SELENOO: variants seen among roughly 807,000 people sequenced by gnomAD.
SELENOO encodes the protein selenoprotein O.
Under a neutral mutation model 58.7 loss-of-function variants are expected in SELENOO, and 74 were observed. That is an observed-to-expected ratio of 1.26 (90% confidence interval 1.04 to 1.53). The LOEUF is 1.53. SELENOO is among the 40% of genes most tolerant of loss of function. The pLI is 0.00. For missense variants in SELENOO, 1,149 were observed against 970.0 expected, an observed-to-expected ratio of 1.18 and a Z score of -2.45; for synonymous variants, 543 against 453.2, an observed-to-expected ratio of 1.20 and a Z score of -2.52.
intron 5 of SELENOO, among the ~76,000 whole-genome samples, chr22:50,214,197 A>G (rs2064390590): frequency 6.6e-6 from 1 of 152,190 alleles, no homozygotes; most frequent in African/African-American, 2.4e-5. Context: ...GCTGGAGTGC[A>G]GTGGCACAGC....
chr22:50,215,695 C>G (rs779462894), intron 5 of SELENOO, 22 bp from the exon 6 acceptor site: 4 of 1,572,164 alleles, frequency 2.5e-6, no homozygotes, highest in African/African-American at 1.3e-5. Flanking sequence ...GCTTCCAGCT[C>G]CCTGAGCAGC....
chr22:50,201,941 G>T (rs2064304536), intron 1 of SELENOO, among the ~76,000 whole-genome samples: 1 of 152,218 alleles, frequency 6.6e-6, no homozygotes, highest in East Asian at 1.9e-4. Flanking sequence ...CAGCAGCCTC[G>T]CTCTGCGACT....
rs1555904268 is a variant in SELENOO at position 50,206,538 on chromosome 22, T to C, written c.758+18T>C. Reference sequence around the variant, plus strand: ...TTCATAAGGTAATGCCGGGGGCCTTTCGGCCTGTCTACACGCACTTGCTTA... The same window carrying C: ...TTCATAAGGTAATGCCGGGGGCCTTCCGGCCTGTCTACACGCACTTGCTTA... On this transcript the variant is annotated intron_variant, in intron 2 of 8. Transcript: ENST00000380903. 3 of 1,602,364 alleles carry C rather than the reference T, an allele frequency of 1.9e-6. No homozygotes were observed. The highest frequency in any genetic ancestry group is 2.6e-6 in the Non-Finnish European group (3 of 1,173,210).
intron 5 of SELENOO, 86 bp from the exon 6 acceptor site, chr22:50,215,631 G>T: frequency 8.2e-7 from 1 of 1,215,452 alleles, no homozygotes; most frequent in East Asian, 2.7e-5. Context: ...CTGTGCCAGG[G>T]GGGTGGGGGG....
At chr22:50,206,733 T>C (rs1443012710) in intron 2 of SELENOO, among the ~76,000 whole-genome samples, 1 of 152,170 alleles carries the variant, frequency 6.6e-6, no homozygotes, top group Non-Finnish European at 1.5e-5. Flanking sequence ...GCAAAGGCAT[T>C]TGGTACTCAG....
Position 50,201,110 on chromosome 22 carries a change from C to T in SELENOO, c.74C>T (p.Pro25Leu), listed in dbSNP as rs1261535799. The change falls in exon 1 of 9, where the codon CCG becomes CTG. Residue 25 changes from proline to leucine, a missense_variant. Pro to Leu is a moderately conservative substitution (Grantham distance 98). Transcript: ENST00000380903. The stretch of plus-strand genomic sequence containing the variant: ...CTCTTGCCCCTCGGTCGCTGTTCCC[C>T]GTCGCCGGCGCCCCGCTCTACGTTG... Reference protein sequence around the residue: ...ARLLPLGRCSPSPAPRSTLSG... With the variant: ...ARLLPLGRCSLSPAPRSTLSG... The T allele has an allele frequency of 1.5e-6, 2 of 1,344,368 alleles. No individual in the cohort carries two copies. Among genetic ancestry groups the T allele is most frequent in the Non-Finnish European group, 1.9e-6 (2 of 1,049,118 alleles). The allele number at this position is 1,344,368 out of a possible 1,614,324, so 83.3% of individuals were successfully genotyped here. A position where few individuals can be genotyped will look rare whatever the true frequency, so the allele number is the denominator to read the frequency against.
In SELENOO at chr22:50,213,749, G is replaced by A. The variant is rs1293974029; in HGVS notation, c.1352-1968G>A. 5.3e-5 allele frequency among the ~76,000 whole-genome samples: 8 copies of A among 152,092 alleles called. No homozygotes were observed. The East Asian group carries it at 1.4e-3, about 26-fold the overall frequency. On this transcript the variant is annotated intron_variant, in intron 5 of 8. Coordinates refer to ENST00000380903, the MANE Select transcript of SELENOO (RefSeq NM_031454.2). ...TGCAAGCTCCACCTCCCAGGTTCACGGCATTTTCCTGCCTCAGCCTCCCGA... is the reference window on the plus strand; with the variant it reads ...TGCAAGCTCCACCTCCCAGGTTCACAGCATTTTCCTGCCTCAGCCTCCCGA...
In SELENOO at chr22:50,217,507, G is replaced by A; in HGVS notation, c.*138G>A. 2 of 1,165,574 alleles carry A rather than the reference G, an allele frequency of 1.7e-6. No homozygotes were observed. The highest frequency in any genetic ancestry group is 1.4e-5 in the South Asian group (1 of 69,058). 72.2% of individuals were successfully genotyped at this position (1,165,574 alleles called of 1,614,324 possible). A position where few individuals can be genotyped will look rare whatever the true frequency, so the allele number is the denominator to read the frequency against. ...GCACACCCGTCTTTCCATGATGGCA[G>A]AGACATCCAGTCAGGACCTGACCCG... On this transcript the variant is annotated 3_prime_UTR_variant, in exon 9 of 9. Coordinates refer to ENST00000380903, the MANE Select transcript of SELENOO (RefSeq NM_031454.2).
chr22:50,217,177 GACCCCTCTC>G lies in SELENOO; in HGVS notation c.1846-23_1846-15del. The G allele has an allele frequency of 6.2e-7, 1 of 1,611,428 alleles. No homozygotes were observed. Among genetic ancestry groups the G allele is most frequent in the Non-Finnish European group, 8.5e-7 (1 of 1,178,676 alleles). On this transcript the variant is annotated intron_variant, in intron 8 of 8. Transcript: ENST00000380903. ...GTCCCTGGGAGGGGGGTCGGCCCCA[GACCCCTCTC>G]ACCCTCCTGATCCTCCAGGTGCGGC...
Position 50,210,605 on chromosome 22 carries a change from C to T in SELENOO, c.1071-26C>T, listed in dbSNP as rs200527439. 885 of 1,612,628 alleles carry T rather than the reference C, an allele frequency of 5.5e-4. 2 individuals are homozygous for T. The highest frequency in any genetic ancestry group is 2.3e-3 in the Middle Eastern group (14 of 6,050). ...CCCGGGAACTTCCTCTCAGGCAGGG[C>T]GTGGCTCTCTTGCCCCGTGTGGCAG... On this transcript the variant is annotated intron_variant, in intron 4 of 8. Coordinates refer to ENST00000380903, the MANE Select transcript of SELENOO (RefSeq NM_031454.2).
chr22:50,207,255 C>A (rs1390807833), intron 2 of SELENOO, among the ~76,000 whole-genome samples: 1 of 152,100 alleles, frequency 6.6e-6, no homozygotes, highest in Non-Finnish European at 1.5e-5. Flanking sequence ...CCCCAAATAG[C>A]TGGGGTTACA....
At position 50,208,615 on chromosome 22, in the gene SELENOO, C is replaced by A. The variant is rs776240322; in HGVS notation, c.838C>A (p.Arg280=). 6.2e-7 allele frequency: 1 copy of A among 1,613,926 alleles called. No homozygotes were observed. The highest frequency in any genetic ancestry group is 8.5e-7 in the Non-Finnish European group (1 of 1,179,998). The stretch of plus-strand genomic sequence containing the variant: ...CCCCAGCGTGGGGAGGAACGACATT[C>A]GAGTGCAGCTGCTCGACTATGTCAT... The part of the protein sequence containing the change: ...AGPSVGRNDI[R]VQLLDYVISS... The change falls in exon 3 of 9, where the codon CGA becomes AGA. Residue 280 remains arginine, a synonymous_variant. Transcript: ENST00000380903.
Position 50,201,444 on chromosome 22 carries a change from C to A in SELENOO, c.408C>A (p.Ala136=). 7.2e-7 allele frequency: 1 copy of A among 1,393,822 alleles called. No individual in the cohort carries two copies. The highest frequency in any genetic ancestry group is 1.4e-5 in the South Asian group (1 of 68,976). The allele number at this position is 1,393,822 out of a possible 1,614,324, so 86.3% of individuals were successfully genotyped here. Residue 136 remains alanine, a synonymous_variant, in exon 1 of 9, where the codon GCC becomes GCA. Coordinates refer to ENST00000380903, the MANE Select transcript of SELENOO (RefSeq NM_031454.2). ...CGCTCCTGCCGGGCGCCGAGCCCGC[C>A]GCGCACTGCTACTGCGGCCACCAAT... ...GNALLPGAEP[A]AHCYCGHQFG...
At chr22:50,206,168 C>T (rs967305871) in intron 1 of SELENOO, 149 bp from the exon 2 acceptor site, 40 of 650,324 alleles carry the variant, frequency 6.2e-5, no homozygotes, top group Non-Finnish European at 9.2e-5. Flanking sequence ...GCTCACAAGG[C>T]ACCTGATGTC....
rs1320013808 is a variant in SELENOO, at chr22:50,201,074, C to T, written c.38C>T (p.Ala13Val). 1.6e-5 allele frequency: 22 copies of T among 1,362,974 alleles called. No homozygotes were observed. Among genetic ancestry groups the T allele is most frequent in the East Asian group, 3.1e-5 (1 of 32,278 alleles). 84.4% of individuals were successfully genotyped at this position (1,362,974 alleles called of 1,614,324 possible). A position where few individuals can be genotyped will look rare whatever the true frequency, so the allele number is the denominator to read the frequency against. Residue 13 changes from alanine (A) to valine (V), a missense_variant, in exon 1 of 9, where the codon GCG becomes GTG. Ala to Val is a moderately conservative substitution (Grantham distance 64). Transcript: ENST00000380903. ...VYRAALGASL[A>V]AARLLPLGRC... ...AGGGCAGCGCTCGGGGCTTCGCTCG[C>T]GGCTGCCCGACTCTTGCCCCTCGGT...
intron 5 of SELENOO, among the ~76,000 whole-genome samples, chr22:50,211,809 T>G (rs1036891176): frequency 1.3e-5 from 2 of 152,204 alleles, no homozygotes; most frequent in Non-Finnish European, 2.9e-5. Context: ...GTTCAAGTGA[T>G]TCTCCTGCCT....
At chr22:50,206,171 C>T in intron 1 of SELENOO, 146 bp from the exon 2 acceptor site, 1 of 661,644 alleles carries the variant, frequency 1.5e-6, no homozygotes, top group Non-Finnish European at 2.6e-6. Flanking sequence ...CACAAGGCAC[C>T]TGATGTCACC....
intron 1 of SELENOO, among the ~76,000 whole-genome samples, chr22:50,203,586 A>G (rs2064315296): frequency 2.0e-5 from 3 of 152,142 alleles, no homozygotes; most frequent in African/African-American, 7.2e-5. Context: ...TGGTCAGCAA[A>G]TTTTCAACAA....
intron 1 of SELENOO, chr22:50,205,439 G>T (rs1216301745): frequency 6.6e-6 from 1 of 152,236 alleles, no homozygotes; most frequent in East Asian, 1.9e-4. Context: ...ACAAGAATTA[G>T]CAGAGCTTGG....
Sources: gnomAD v4.1 joint callset for allele counts (sites outside exome capture counted in the v4.1 genomes callset) on GRCh38, gnomAD v4.1.1 for gene constraint, MANE v1.5 for transcripts, NCBI Gene and HGNC (gene_info 2026-07-23, HGNC 2026-07-21) for gene names.